Variants in ANO2 observed in about 807,000 individuals in gnomAD.
ANO2 encodes anoctamin-2.
A neutral mutation model predicts 124.2 loss-of-function variants in ANO2; 101 were observed. That is an observed-to-expected ratio of 0.81 (90% CI 0.69 to 0.96). ANO2 has a LOEUF of 0.96. Among genes scored for constraint, ANO2 ranks in the 40% least tolerant of loss-of-function variants. The pLI, the probability that ANO2 is intolerant of heterozygous loss-of-function variation, is 0.00. For synonymous variants in ANO2, 486 were observed against 482.5 expected (o/e 1.01, Z -0.09); for missense variants, 1,293 against 1,274.5 (o/e 1.01, Z -0.22).
intron 4 of ANO2, among the ~76,000 whole-genome samples, chr12:5,851,337 T>C (rs904461885): frequency 4.6e-5 from 7 of 152,162 alleles, no homozygotes; most frequent in African/African-American, 1.7e-4. Flanking sequence ...AGGCAAGCAC[T>C]ACTGGGGAAG....
In ANO2 at chr12:5,925,031, T is replaced by C. The variant is rs1266678282; in HGVS notation, c.23-2227A>G. Among the ~76,000 whole-genome samples, 2 of 152,162 alleles carry C rather than the reference T, an allele frequency of 1.3e-5. No individual in the cohort carries two copies. The highest frequency in any genetic ancestry group is 2.9e-5 in the Non-Finnish European group (2 of 68,028). The stretch of plus-strand genomic sequence containing the variant: ...CCCACTTCCCTTGTGCCTTCCTGCA[T>C]GCCTGCCCCACAAGTGCCTGAGAAC... On this transcript the variant is annotated intron_variant, in intron 1 of 24. Coordinates refer to ENST00000682330, the MANE Select transcript of ANO2 (RefSeq NM_001364791.2). This position sits in a 1 kb window ranked among gnomAD's most constrained non-coding sequence, Gnocchi z 4.6.
chr12:5,896,716 C>T (rs1939816666), intron 3 of ANO2, among the ~76,000 whole-genome samples: 1 of 152,106 alleles, frequency 6.6e-6, no homozygotes, highest in Non-Finnish European at 1.5e-5. Flanking sequence ...AAATAATTCT[C>T]CCTATTAATG....
chr12:5,841,554 C>T (rs972480978), intron 4 of ANO2, among the ~76,000 whole-genome samples: 5 of 152,214 alleles, frequency 3.3e-5, no homozygotes, highest in Non-Finnish European at 5.9e-5. Flanking sequence ...GCCTCTTAGG[C>T]GCCATGCCTG....
At position 5,600,776 on chromosome 12, in the gene ANO2, G is replaced by A. The variant is rs150835209; in HGVS notation, c.2088-1147C>T. Among the ~76,000 whole-genome samples the A allele has an allele frequency of 5.8e-3, 877 of 152,274 alleles. 5 individuals carry two copies. The highest frequency in any genetic ancestry group is 0.019 in the African/African-American group (780 of 41,540). On this transcript the variant is annotated intron_variant, in intron 19 of 24. Coordinates refer to ENST00000682330, the MANE Select transcript of ANO2 (RefSeq NM_001364791.2). ...GTAAAATGGTAAGAATCAAAGACTT[G>A]AAGTGTTTAAACGGGATTTTGAAGT...
intron 14 of ANO2, among the ~76,000 whole-genome samples, chr12:5,717,301 T>A (rs1295297027): frequency 6.6e-6 from 1 of 152,204 alleles, no homozygotes; most frequent in Non-Finnish European, 1.5e-5. Context: ...GAAAATGGAA[T>A]GCCCAAATTG....
chr12:5,765,097 G>A (rs1951849485), intron 10 of ANO2, among the ~76,000 whole-genome samples: 1 of 152,126 alleles, frequency 6.6e-6, no homozygotes, highest in Non-Finnish European at 1.5e-5. Context: ...GGAAAAGGAA[G>A]GAAGAAAGGG....
intron 16 of ANO2, among the ~76,000 whole-genome samples, chr12:5,621,236 C>G (rs371703800): frequency 1.0e-3 from 155 of 152,248 alleles, no homozygotes; most frequent in African/African-American, 3.6e-3. Flanking sequence ...TCCAGGCAGA[C>G]CCCAGCTATT....
At chr12:5,678,589 G>C (rs10849319) in intron 14 of ANO2, among the ~76,000 whole-genome samples, 19,277 of 152,196 alleles carry the variant, frequency 0.13, 1,277 homozygotes, top group East Asian at 0.22. Flanking sequence ...GCATTTCTGA[G>C]GGGGACTGAA....
intron 14 of ANO2, among the ~76,000 whole-genome samples, chr12:5,671,382 C>T (rs956410045): frequency 2.0e-5 from 3 of 152,016 alleles, no homozygotes; most frequent in Admixed American, 2.0e-4. Context: ...TTAGCAAACT[C>T]TGCCGAGACA....
intron 13 of ANO2, among the ~76,000 whole-genome samples, chr12:5,733,507 T>TG (rs973685002): frequency 2.6e-5 from 4 of 152,240 alleles, no homozygotes; most frequent in African/African-American, 4.8e-5. Flanking sequence ...CGTTTATCGA[T>TG]AACTCCTGGG....
chr12:5,923,078 A>ACACACACACACG (rs1555184515), intron 1 of ANO2, among the ~76,000 whole-genome samples: 11 of 22,266 alleles, frequency 4.9e-4, no homozygotes, highest in Admixed American at 3.0e-3. Context: ...ACACATGCAC[A>ACACACACACACG]CATACACACA....
chr12:5,739,595 T>TA (rs1362156709), intron 12 of ANO2, among the ~76,000 whole-genome samples, 196 bp from the exon 13 acceptor site: 1 of 26,980 alleles, frequency 3.7e-5, no homozygotes, highest in Non-Finnish European at 7.8e-5. Context: ...AATAGATATG[T>TA]TACACACACA....
At position 5,602,426 on chromosome 12, in the gene ANO2, G is replaced by T. The variant is rs368141274; in HGVS notation, c.2088-2797C>A. ...CCACCAGGCCCAGCTAATATTTTTT[G>T]TATTTTTAGTAAAGACAGGGTTTCA... On this transcript the variant is annotated intron_variant, in intron 19 of 24. Transcript: ENST00000682330. 1.3e-4 allele frequency among the ~76,000 whole-genome samples: 20 copies of T among 151,494 alleles called. No homozygotes were observed. The East Asian group carries it at 3.9e-3, about 30-fold the overall frequency.
chr12:5,863,045 T>C (rs1383736158), intron 3 of ANO2, among the ~76,000 whole-genome samples: 1 of 152,202 alleles, frequency 6.6e-6, no homozygotes, highest in Non-Finnish European at 1.5e-5. Flanking sequence ...TCTGCTGCCA[T>C]GTAAACACAT....
rs189381284 is a variant in ANO2 at position 5,681,066 on chromosome 12, C to T, written c.1546-33265G>A. Among the ~76,000 whole-genome samples the T allele has an allele frequency of 4.9e-4, 74 of 152,298 alleles. 1 individual carries two copies. The highest frequency in any genetic ancestry group is 1.7e-3 in the African/African-American group (70 of 41,552). On this transcript the variant is annotated intron_variant, in intron 14 of 24. Coordinates refer to ENST00000682330, the MANE Select transcript of ANO2 (RefSeq NM_001364791.2). ...GTAATAGCAGTGTCCTCTCTCCTCC[C>T]GACATTGGTTCCTGCCACACAACCT...
rs1369311857 is a variant in ANO2, at chr12:5,658,538, T to C, written c.1546-10737A>G. Reference sequence around the variant, plus strand: ...AATCATCAACATCAATATCATCGTATCAAAATCAATATAATCACCAACATC... The same window carrying C: ...AATCATCAACATCAATATCATCGTACCAAAATCAATATAATCACCAACATC... On this transcript the variant is annotated intron_variant, in intron 14 of 24. Coordinates refer to ENST00000682330, the MANE Select transcript of ANO2 (RefSeq NM_001364791.2). This position sits in a 1 kb window ranked among gnomAD's most constrained non-coding sequence, Gnocchi z 4.3. Among the ~76,000 whole-genome samples the C allele has an allele frequency of 6.6e-6, 1 of 151,962 alleles. No homozygotes were observed. Among genetic ancestry groups the C allele is most frequent in the Non-Finnish European group, 1.5e-5 (1 of 68,024 alleles).
intron 10 of ANO2, among the ~76,000 whole-genome samples, chr12:5,785,382 G>A (rs1035341259): frequency 2.0e-5 from 3 of 152,030 alleles, no homozygotes; most frequent in Non-Finnish European, 4.4e-5. Flanking sequence ...ACAGGGTTGG[G>A]CATGTTCCCA....
intron 10 of ANO2, among the ~76,000 whole-genome samples, chr12:5,760,077 C>A (rs1285470891): frequency 6.6e-6 from 1 of 152,210 alleles, no homozygotes; most frequent in Non-Finnish European, 1.5e-5. Flanking sequence ...CTTTCTCAAT[C>A]ACCATTTCTG....
At chr12:5,593,683 A>G (rs1362335978) in intron 20 of ANO2, among the ~76,000 whole-genome samples, 1 of 152,330 alleles carries the variant, frequency 6.6e-6, no homozygotes, top group East Asian at 1.9e-4. Context: ...GACGGTCTAC[A>G]TGTGGAAGCA....
Sources: allele counts gnomAD v4.1 joint callset (sites outside exome capture counted in the v4.1 genomes callset), GRCh38; gene constraint gnomAD v4.1.1; non-coding constraint Gnocchi (gnomAD v3.1); transcripts MANE v1.5; gene names NCBI Gene and HGNC (gene_info 2026-07-23, HGNC 2026-07-21).